DMD: variants seen among roughly 807,000 people sequenced by gnomAD.
DMD encodes the protein dystrophin, also known as mutant dystrophin.
In DMD, 63 loss-of-function variants were observed where a neutral mutation model predicts 330.1. That is an observed-to-expected ratio of 0.19 (90% CI 0.16 to 0.24). DMD has a LOEUF of 0.24. DMD is among the 10% of genes least tolerant of loss of function. DMD has a pLI of 1.00. For missense variants in DMD, 3,344 were observed against 2,684.1 expected (o/e 1.25, Z -5.43); for synonymous variants, 1,223 against 959.8 (o/e 1.27, Z -5.07).
intron 44 of DMD, 147 bp from the exon 45 acceptor site, chrX:31,968,661 C>A: frequency 1.6e-6 from 1 of 620,298 alleles, no homozygotes; most frequent in South Asian, 2.7e-5. Context: ...ATGAAACTGA[C>A]ATGCCCATAT....
In DMD at chrX:32,147,946, C is replaced by T. The variant is rs778171198; in HGVS notation, c.6438+68970G>A. 3.9e-5 allele frequency among the ~76,000 whole-genome samples: 4 copies of T among 102,862 alleles called. No homozygotes were observed. In the South Asian group the frequency reaches 1.9e-3, roughly 49 times the overall value. The allele number at this position is 102,862 out of a possible 115,157, so 89.3% of individuals were successfully genotyped here. On this transcript the variant is annotated intron_variant, in intron 44 of 78. Coordinates refer to ENST00000357033, the MANE Select transcript of DMD (RefSeq NM_004006.3). Reference sequence around the variant, plus strand: ...AGGCTGGAGTGCAGTGGCGCGATCTCGGCTCACTGCAACCTCCACCTCCCG... The same window carrying T: ...AGGCTGGAGTGCAGTGGCGCGATCTTGGCTCACTGCAACCTCCACCTCCCG...
At chrX:32,680,396 C>G (rs1569448249) in intron 9 of DMD, among the ~76,000 whole-genome samples, 1 of 111,060 alleles carries the variant, frequency 9.0e-6, no homozygotes, top group African/African-American at 3.3e-5. Context: ...TTGTCCAACA[C>G]AAATAAGACT....
intron 1 of DMD, among the ~76,000 whole-genome samples, chrX:33,209,731 C>T (rs1314544709): frequency 4.5e-5 from 5 of 110,785 alleles, no homozygotes; most frequent in African/African-American, 6.5e-5. Context: ...TTAAATGCAG[C>T]GTGAAAAAAT....
intron 9 of DMD, among the ~76,000 whole-genome samples, chrX:32,697,146 A>G (rs191427988): frequency 8.9e-6 from 1 of 111,858 alleles, no homozygotes; most frequent in Admixed American, 9.5e-5. Flanking sequence ...AATTCTTGCA[A>G]ATCTAGCAAT....
At position 31,968,462 on chromosome X, in the gene DMD, G is replaced by A; in HGVS notation, c.6491C>T (p.Ala2164Val). ...TTGCTGAATTATTTCTTCCCCAGTT[G>A]CATTCAATGTTCTGACAACAGTTTG... ...QRQTVVRTLN[A>V]TGEEIIQQSS... The change falls in exon 45 of 79, where the codon GCA becomes GTA. Residue 2164 changes from alanine to valine, a missense_variant. Physicochemically the swap from Ala to Val is moderately conservative, Grantham distance 64. Transcript: ENST00000357033. The A allele has an allele frequency of 8.3e-7, 1 of 1,210,338 alleles. No individual in the cohort carries two copies. The highest frequency in any genetic ancestry group is 1.1e-6 in the Non-Finnish European group (1 of 894,712).
intron 44 of DMD, among the ~76,000 whole-genome samples, chrX:32,031,612 T>G (rs1368883665): frequency 9.0e-6 from 1 of 111,687 alleles, no homozygotes. Context: ...ATAACGAAAG[T>G]AAAAAGAAGG....
chrX:31,866,777 A>G, intron 48 of DMD, among the ~76,000 whole-genome samples: 1 of 111,980 alleles, frequency 8.9e-6, no homozygotes, highest in Non-Finnish European at 1.9e-5. Flanking sequence ...TGTTAAGGAA[A>G]AAGAGAATAA....
intron 17 of DMD, among the ~76,000 whole-genome samples, chrX:32,524,926 G>A (rs772505628): frequency 8.9e-6 from 1 of 112,214 alleles, no homozygotes; most frequent in South Asian, 3.7e-4. Flanking sequence ...GTGGTGAGGA[G>A]AGCGTTTTGT....
intron 65 of DMD, among the ~76,000 whole-genome samples, chrX:31,208,240 A>C (rs2044286071): frequency 9.0e-6 from 1 of 111,487 alleles, no homozygotes; most frequent in African/African-American, 3.3e-5. Flanking sequence ...AATCCTGGGC[A>C]CTAATGGACT....
At chrX:32,625,350 G>A (rs1181438592) in intron 11 of DMD, among the ~76,000 whole-genome samples, 1 of 111,262 alleles carries the variant, frequency 9.0e-6, no homozygotes, top group Non-Finnish European at 1.9e-5. Flanking sequence ...CTCAGAAACT[G>A]AATTTTTAAC....
At chrX:32,093,462 C>T (rs10521986) in intron 44 of DMD, among the ~76,000 whole-genome samples, 25,436 of 111,378 alleles carry the variant, frequency 0.23, 2,232 homozygotes, top group East Asian at 0.55. Flanking sequence ...CTTCAGCTAT[C>T]TCTATACAAT....
intron 51 of DMD, among the ~76,000 whole-genome samples, chrX:31,750,028 T>C (rs1328959616): frequency 1.8e-5 from 2 of 110,564 alleles, no homozygotes; most frequent in Admixed American, 9.6e-5. Context: ...GAGTTCATTG[T>C]AGATTCTGGA....
chrX:32,797,801 C>G lies in DMD; in HGVS notation c.649+11692G>C, dbSNP rs770306868. Among the ~76,000 whole-genome samples the G allele has an allele frequency of 2.2e-3, 245 of 109,698 alleles. 1 individual carries two copies. The highest frequency in any genetic ancestry group is 7.7e-3 in the African/African-American group (234 of 30,258). On this transcript the variant is annotated intron_variant, in intron 7 of 78. Coordinates refer to ENST00000357033, the MANE Select transcript of DMD (RefSeq NM_004006.3). The stretch of plus-strand genomic sequence containing the variant: ...ATAGGCCAAGGATATTGTTATTTCA[C>G]CTGTAATTAAAAAAAAAAAGTTGTG...
At chrX:32,359,077 G>A (rs912171145) in intron 37 of DMD, among the ~76,000 whole-genome samples, 6 of 111,509 alleles carry the variant, frequency 5.4e-5, no homozygotes. Flanking sequence ...AGCAGGTCTT[G>A]TGTCTTGAAG....
intron 60 of DMD, among the ~76,000 whole-genome samples, chrX:31,414,594 A>C (rs1231751477): frequency 8.9e-6 from 1 of 112,237 alleles, no homozygotes; most frequent in African/African-American, 3.2e-5. Flanking sequence ...AAATGCTATT[A>C]ATTACGCCGC....
At chrX:31,738,211 A>C (rs1479895142) in intron 51 of DMD, among the ~76,000 whole-genome samples, 1 of 111,958 alleles carries the variant, frequency 8.9e-6, no homozygotes, top group African/African-American at 3.2e-5. Flanking sequence ...TGATTGACCA[A>C]ATCACTGACT....
intron 16 of DMD, among the ~76,000 whole-genome samples, chrX:32,546,869 C>T (rs997661970): frequency 9.0e-6 from 1 of 111,536 alleles, no homozygotes; most frequent in Non-Finnish European, 1.9e-5. Context: ...AAAATATAAA[C>T]TCAAACATTG....
At chrX:32,681,086 TC>T (rs1348750501) in intron 9 of DMD, among the ~76,000 whole-genome samples, 1 of 112,437 alleles carries the variant, frequency 8.9e-6, no homozygotes, top group Non-Finnish European at 1.9e-5. Flanking sequence ...CAGCAAAGAT[TC>T]CAAAATATCT....
intron 52 of DMD, among the ~76,000 whole-genome samples, chrX:31,722,134 T>G (rs1180964689): frequency 6.3e-5 from 7 of 110,664 alleles, no homozygotes; most frequent in Non-Finnish European, 5.7e-5. Flanking sequence ...ATTTATTTAT[T>G]TACGATGGAG....
Sources: allele counts gnomAD v4.1 joint callset (sites outside exome capture counted in the v4.1 genomes callset), GRCh38; gene constraint gnomAD v4.1.1; transcripts MANE v1.5; gene names NCBI Gene and HGNC (gene_info 2026-07-23, HGNC 2026-07-21).